GPC4: variants seen among roughly 807,000 people sequenced by gnomAD.
GPC4 encodes the protein glypican 4, also known as glypican-4.
A neutral mutation model predicts 35.0 loss-of-function variants in GPC4; 10 were observed. That is an observed-to-expected ratio of 0.29 (90% confidence interval 0.18 to 0.48). The LOEUF is 0.48. GPC4 is among the 20% of genes least tolerant of loss of function. The pLI is 0.99. For synonymous variants in GPC4, 167 were observed against 170.2 expected (o/e 0.98, Z 0.15); for missense variants, 322 against 451.3 (o/e 0.71, Z 2.60).
chrX:133,350,076 G>A (rs186225440), intron 1 of GPC4, among the ~76,000 whole-genome samples: 20 of 111,755 alleles, frequency 1.8e-4, no homozygotes, highest in Non-Finnish European at 9.4e-5. Flanking sequence ...CGTGGTAAGA[G>A]GTTTTCAGTA....
rs759905425 is a variant in GPC4, at chrX:133,329,177, C to T, written c.320-4641G>A. ...TGTATGACCTTGCTTGGGCAAAAGG[C>T]CTAATCTCTCTGAGCCTCTTTTATC... On this transcript the variant is annotated intron_variant, in intron 2 of 8. Coordinates refer to ENST00000370828, the MANE Select transcript of GPC4 (RefSeq NM_001448.3). Among the ~76,000 whole-genome samples, 20 of 111,929 alleles carry T rather than the reference C, an allele frequency of 1.8e-4. No individual in the cohort carries two copies. The South Asian group carries it at 7.6e-3, about 42-fold the overall frequency.
chrX:133,380,888 C>G (rs1169568851), intron 1 of GPC4, among the ~76,000 whole-genome samples: 1 of 111,874 alleles, frequency 8.9e-6, no homozygotes, highest in Non-Finnish European at 1.9e-5. Flanking sequence ...TGAAGACAGT[C>G]CATTCGAGGG....
rs770564023 is a variant in GPC4, at chrX:133,305,777, G to A, written c.1150C>T (p.Arg384Ter). The change falls in exon 6 of 9, where the codon CGA becomes TGA. Residue 384 changes from arginine (R) to a stop codon, truncating the protein, a stop_gained. Transcript: ENST00000370828. LOFTEE classifies it high-confidence loss of function. The stretch of plus-strand genomic sequence containing the variant: ...CTTCCTGCCAAAACGCTCACCAGTC[G>A]GTCCAAACTAGTGCCAGCTGCTGTG... ...PTTAAGTSLD[R>*]LVTDVKEKLK... 3.3e-6 allele frequency: 4 copies of A among 1,211,245 alleles called. No individual in the cohort carries two copies. Among genetic ancestry groups the A allele is most frequent in the African/African-American group, 3.5e-5 (2 of 57,775 alleles).
At chrX:133,380,404 G>T (rs988183150) in intron 1 of GPC4, among the ~76,000 whole-genome samples, 1 of 99,069 alleles carries the variant, frequency 1.0e-5, no homozygotes, top group Admixed American at 1.2e-4. Context: ...AAGTTGTAAG[G>T]CTAAGGATCT....
rs2068270465 is a variant in GPC4 at position 133,302,345 on chromosome X, T to C, written c.*522A>G. On this transcript the variant is annotated 3_prime_UTR_variant, in exon 9 of 9. Transcript: ENST00000370828. Reference sequence around the variant, plus strand: ...AAAATCACCTCCACGTCTCTCCAGATAAGGCAACTAAAATAACAGGGAGAA... The same window carrying C: ...AAAATCACCTCCACGTCTCTCCAGACAAGGCAACTAAAATAACAGGGAGAA... 8.9e-6 allele frequency: 1 copy of C among 112,650 alleles called. No individual in the cohort carries two copies. Among genetic ancestry groups the C allele is most frequent in the Non-Finnish European group, 1.9e-5 (1 of 53,488 alleles). 9.3% of individuals were successfully genotyped at this position (112,650 alleles called of 1,213,427 possible).
In GPC4 at chrX:133,346,354, TTTTTC is replaced by T. The variant is rs1262900216; in HGVS notation, c.161-7018_161-7014del. ...CTATTCTCCTGCCTCATGTCCAAAG[TTTTTC>T]TTTTAACAAACTTTTCTTTTCTAGC... On this transcript the variant is annotated intron_variant, in intron 1 of 8. Transcript: ENST00000370828. Among the ~76,000 whole-genome samples the T allele has an allele frequency of 2.2e-4, 24 of 111,348 alleles. No homozygotes were observed. In the Admixed American group the frequency reaches 2.3e-3, roughly 11 times the overall value.
chrX:133,327,784 C>T (rs1277754682), intron 2 of GPC4, among the ~76,000 whole-genome samples: 1 of 110,424 alleles, frequency 9.1e-6, no homozygotes, highest in African/African-American at 3.3e-5. Context: ...CTTTCCTTCA[C>T]ATTTTAAAAG....
At chrX:133,317,936 A>G (rs933662547) in intron 3 of GPC4, among the ~76,000 whole-genome samples, 1 of 112,291 alleles carries the variant, frequency 8.9e-6, no homozygotes, top group Non-Finnish European at 1.9e-5. Flanking sequence ...ATAACAAAAT[A>G]TTCAGTCAGG....
At chrX:133,401,344 GAGA>G (rs2068767362) in intron 1 of GPC4, among the ~76,000 whole-genome samples, 1 of 111,671 alleles carries the variant, frequency 9.0e-6, no homozygotes, top group South Asian at 3.8e-4. Context: ...GCCAGAGCCA[GAGA>G]GCTAGAGCAG....
intron 1 of GPC4, among the ~76,000 whole-genome samples, chrX:133,388,227 G>A (rs988972665): frequency 1.6e-4 from 18 of 112,031 alleles, no homozygotes; most frequent in African/African-American, 4.9e-4. Context: ...GTCAGTGACC[G>A]GTCTTAACCT....
intron 3 of GPC4, among the ~76,000 whole-genome samples, chrX:133,321,860 G>A (rs1346521436): frequency 1.8e-5 from 2 of 111,565 alleles, no homozygotes; most frequent in Non-Finnish European, 3.8e-5. Flanking sequence ...TGCAATTTAC[G>A]ATGAAAATAT....
At chrX:133,364,713 T>G (rs1011569924) in intron 1 of GPC4, among the ~76,000 whole-genome samples, 4 of 112,211 alleles carry the variant, frequency 3.6e-5, no homozygotes, top group Non-Finnish European at 7.5e-5. Flanking sequence ...GAATTACATC[T>G]TTCAGAAATG....
At chrX:133,315,991 T>G (rs2068336660) in intron 3 of GPC4, among the ~76,000 whole-genome samples, 1 of 111,784 alleles carries the variant, frequency 8.9e-6, no homozygotes, top group Non-Finnish European at 1.9e-5. Flanking sequence ...CACTCCTCCC[T>G]TCCCCCTTTA....
At chrX:133,405,682 G>A (rs2068784501) in intron 1 of GPC4, among the ~76,000 whole-genome samples, 1 of 111,569 alleles carries the variant, frequency 9.0e-6, no homozygotes, top group African/African-American at 3.3e-5. Flanking sequence ...GATTCCCATC[G>A]GCCCCCAACC....
intron 1 of GPC4, among the ~76,000 whole-genome samples, chrX:133,343,028 C>T (rs1291682960): frequency 9.0e-6 from 1 of 111,179 alleles, no homozygotes; most frequent in Non-Finnish European, 1.9e-5. Context: ...CACAATTTTT[C>T]CTTTAGGCTG....
chrX:133,356,104 G>A (rs904842986), intron 1 of GPC4, among the ~76,000 whole-genome samples: 2 of 111,718 alleles, frequency 1.8e-5, no homozygotes, highest in Non-Finnish European at 3.8e-5. Context: ...GTTATTCTGT[G>A]CGATGGCATA....
chrX:133,342,191 C>T (rs1209454991), intron 1 of GPC4, among the ~76,000 whole-genome samples: 1 of 108,807 alleles, frequency 9.2e-6, no homozygotes, highest in African/African-American at 3.4e-5. Context: ...CGTGCACCAC[C>T]ATGCCTGGCT....
chrX:133,361,932 G>A (rs1270635602), intron 1 of GPC4, among the ~76,000 whole-genome samples: 1 of 111,043 alleles, frequency 9.0e-6, no homozygotes. Flanking sequence ...TATAGACAAG[G>A]CCCAATGCAA....
rs752249310 is a variant in GPC4 at position 133,300,226 on chromosome X, G to A, written c.*2641C>T. 1.8e-5 allele frequency: 2 copies of A among 112,056 alleles called. No individual in the cohort carries two copies. Among genetic ancestry groups the A allele is most frequent in the African/African-American group, 3.2e-5 (1 of 30,886 alleles). The allele number at this position is 112,056 out of a possible 1,213,427, so 9.2% of individuals were successfully genotyped here. ...CTTTAGAAATTTACGTCAATTCTTC[G>A]CAGTGTCTTTTAATCAAAATAACAG... On this transcript the variant is annotated 3_prime_UTR_variant, in exon 9 of 9. Transcript: ENST00000370828.
Sources: allele counts gnomAD v4.1 joint callset (sites outside exome capture counted in the v4.1 genomes callset), GRCh38; gene constraint gnomAD v4.1.1; transcripts MANE v1.5; gene names NCBI Gene and HGNC (gene_info 2026-07-23, HGNC 2026-07-21).